LRRC7: variants seen among roughly 807,000 people sequenced by gnomAD.
The protein encoded by LRRC7 is leucine-rich repeat-containing protein 7.
In LRRC7, 23 loss-of-function variants were observed where a neutral mutation model predicts 175.7. The observed-to-expected ratio is 0.13, with a 90% CI of 0.09 to 0.19. The LOEUF (loss-of-function observed/expected upper bound fraction) is 0.19, where lower values mean the gene tolerates loss of function less well. Among genes scored for constraint, LRRC7 ranks in the 10% least tolerant of loss-of-function variants. The probability of loss-of-function intolerance (pLI) is 1.00; values close to 1 mark genes in which losing one functional copy is unlikely to be tolerated. For missense variants in LRRC7, 1,354 were observed against 1,904.7 expected (o/e 0.71, Z 5.38); for synonymous variants, 685 against 680.9 (o/e 1.01, Z -0.09).
At chr1:70,058,722 A>C (rs1256727647) in intron 23 of LRRC7, among the ~76,000 whole-genome samples, 3 of 152,238 alleles carry the variant, frequency 2.0e-5, no homozygotes, top group Non-Finnish European at 4.4e-5. Flanking sequence ...TTACTTGCCA[A>C]GCTCACCTGG....
chr1:70,023,446 T>C (rs894488971), intron 17 of LRRC7, 72 bp downstream of exon 17: 1 of 1,361,230 alleles, frequency 7.3e-7, no homozygotes. Flanking sequence ...TTATGGGGTA[T>C]GTTCTGCATG....
At chr1:69,837,331 T>C (rs529016193) in intron 6 of LRRC7, among the ~76,000 whole-genome samples, 1 of 151,988 alleles carries the variant, frequency 6.6e-6, no homozygotes, top group East Asian at 1.9e-4. Context: ...ATAATGAAAA[T>C]AATAATAGCC....
rs1021403671 is a variant in LRRC7, at chr1:70,131,061, C to T, written c.*9174C>T. Among the ~76,000 whole-genome samples the T allele has an allele frequency of 6.6e-6, 1 of 152,260 alleles. No individual in the cohort carries two copies. Among genetic ancestry groups the T allele is most frequent in the South Asian group, 2.1e-4 (1 of 4,824 alleles). Reference sequence around the variant, plus strand: ...TGTCATATAGTTCAGCCAAAATTATCAAGCCACTGTAAAAGCTATATAATT... The same window carrying T: ...TGTCATATAGTTCAGCCAAAATTATTAAGCCACTGTAAAAGCTATATAATT... On this transcript the variant is annotated 3_prime_UTR_variant, in exon 27 of 27. Coordinates refer to ENST00000651989, the MANE Select transcript of LRRC7 (RefSeq NM_001370785.2).
intron 7 of LRRC7, among the ~76,000 whole-genome samples, chr1:69,924,908 C>T (rs1388539093): frequency 6.6e-6 from 1 of 152,162 alleles, no homozygotes; most frequent in Non-Finnish European, 1.5e-5. Context: ...CCAGTTTTTG[C>T]CCATTCAGTA....
intron 3 of LRRC7, among the ~76,000 whole-genome samples, chr1:69,773,487 T>G (rs990732852): frequency 6.6e-6 from 1 of 152,076 alleles, no homozygotes; most frequent in African/African-American, 2.4e-5. Context: ...GTGGGGTACA[T>G]GAAATTTGGG....
At chr1:69,868,373 G>A (rs1178294572) in intron 7 of LRRC7, among the ~76,000 whole-genome samples, 1 of 151,944 alleles carries the variant, frequency 6.6e-6, no homozygotes, top group Non-Finnish European at 1.5e-5. Context: ...AGTTTTCTAT[G>A]TGCATTTCTT....
intron 7 of LRRC7, among the ~76,000 whole-genome samples, chr1:69,865,338 C>T (rs568350833): frequency 1.8e-4 from 27 of 151,972 alleles, no homozygotes; most frequent in African/African-American, 5.3e-4. Flanking sequence ...AAAAAACGAG[C>T]TAAGGGTAGC....
At chr1:69,692,530 G>A (rs1662020371) in intron 2 of LRRC7, among the ~76,000 whole-genome samples, 1 of 152,136 alleles carries the variant, frequency 6.6e-6, no homozygotes, top group African/African-American at 2.4e-5. Flanking sequence ...TGAGATTACT[G>A]GGAGCAGAGA....
intron 21 of LRRC7, among the ~76,000 whole-genome samples, chr1:70,040,271 T>C (rs889751711): frequency 6.6e-6 from 1 of 152,128 alleles, no homozygotes; most frequent in African/African-American, 2.4e-5. Context: ...GGACTACTAG[T>C]TATTATTTCT....
intron 4 of LRRC7, among the ~76,000 whole-genome samples, chr1:69,800,964 ATGCTT>A (rs1465072319): frequency 6.6e-6 from 1 of 151,706 alleles, no homozygotes; most frequent in African/African-American, 2.4e-5. Context: ...ATTTTGTCAA[ATGCTT>A]TTTCTCTATC....
intron 4 of LRRC7, among the ~76,000 whole-genome samples, chr1:69,799,181 T>G (rs1350091000): frequency 6.6e-6 from 1 of 151,944 alleles, no homozygotes; most frequent in Non-Finnish European, 1.5e-5. Context: ...GGGATGCCAT[T>G]TGTCATAAAG....
chr1:69,813,869 C>A (rs1021296861), intron 4 of LRRC7, among the ~76,000 whole-genome samples: 1 of 152,066 alleles, frequency 6.6e-6, no homozygotes, highest in Non-Finnish European at 1.5e-5. Flanking sequence ...ATTATTGACC[C>A]TGTTTAATCA....
intron 7 of LRRC7, chr1:69,838,960 A>T: frequency 5.9e-6 from 1 of 168,708 alleles, no homozygotes. Context: ...GAAAGTCAAA[A>T]TGGGTTTTTT....
chr1:69,844,710 G>A (rs1682143558), intron 7 of LRRC7, among the ~76,000 whole-genome samples: 1 of 152,048 alleles, frequency 6.6e-6, no homozygotes, highest in Non-Finnish European at 1.5e-5. Flanking sequence ...TTAGAAGTGG[G>A]ATTGCTGGAT....
At chr1:69,928,554 T>C (rs897439229) in intron 7 of LRRC7, among the ~76,000 whole-genome samples, 1 of 152,208 alleles carries the variant, frequency 6.6e-6, no homozygotes, top group African/African-American at 2.4e-5. Flanking sequence ...TGCAGTTTGA[T>C]CTCAGACTGC....
intron 7 of LRRC7, among the ~76,000 whole-genome samples, chr1:69,911,871 C>T (rs1378420445): frequency 6.6e-6 from 1 of 151,328 alleles, no homozygotes; most frequent in Non-Finnish European, 1.5e-5. Context: ...CAATCTAAGG[C>T]CAAACTCTGT....
At chr1:69,627,426 A>AT (rs1344982467) in intron 1 of LRRC7, among the ~76,000 whole-genome samples, 1 of 151,576 alleles carries the variant, frequency 6.6e-6, no homozygotes, top group Non-Finnish European at 1.5e-5. Context: ...GGGTTGTTTG[A>AT]TTTTTTCTTT....
chr1:69,661,634 C>T (rs944396707), intron 1 of LRRC7, among the ~76,000 whole-genome samples: 5 of 152,096 alleles, frequency 3.3e-5, no homozygotes, highest in African/African-American at 1.2e-4. Context: ...TGACTAGAAA[C>T]CATTGCCTTA....
intron 1 of LRRC7, among the ~76,000 whole-genome samples, chr1:69,593,487 G>A (rs1184537449): frequency 6.6e-6 from 1 of 152,048 alleles, no homozygotes; most frequent in African/African-American, 2.4e-5. Context: ...ACAGTTTAAG[G>A]TGTCAGCAAA....
Sources: allele counts gnomAD v4.1 joint callset (sites outside exome capture counted in the v4.1 genomes callset), GRCh38; gene constraint gnomAD v4.1.1; transcripts MANE v1.5; gene names NCBI Gene and HGNC (gene_info 2026-07-23, HGNC 2026-07-21).